Variants in SAMD12 observed in about 807,000 individuals in gnomAD.
SAMD12 encodes the protein sterile alpha motif domain-containing protein 12.
A neutral mutation model predicts 15.0 loss-of-function variants in SAMD12; 9 were observed. The ratio of observed to expected loss-of-function variants is 0.60; its 90% CI spans 0.36 to 1.05. The LOEUF (loss-of-function observed/expected upper bound fraction) is 1.05. SAMD12 is among the 50% of genes least tolerant of loss of function. SAMD12 has a pLI of 0.01. For missense variants in SAMD12, 230 were observed against 234.2 expected, an observed-to-expected ratio of 0.98 and a Z score of 0.12; for synonymous variants, 86 against 90.1, an observed-to-expected ratio of 0.96 and a Z score of 0.25.
At chr8:118,407,260 G>A (rs1416550700) in intron 3 of SAMD12, among the ~76,000 whole-genome samples, 1 of 152,034 alleles carries the variant, frequency 6.6e-6, no homozygotes, top group African/African-American at 2.4e-5. Flanking sequence ...TTCCATAGCA[G>A]CTGCACTATT....
chr8:118,340,855 G>A (rs950827470), intron 4 of SAMD12, among the ~76,000 whole-genome samples: 2 of 152,182 alleles, frequency 1.3e-5, no homozygotes, highest in South Asian at 4.1e-4. Flanking sequence ...AATTCCTATA[G>A]GAGCCAGGAT....
intron 4 of SAMD12, among the ~76,000 whole-genome samples, chr8:118,305,309 A>T (rs998971499): frequency 1.3e-5 from 2 of 152,090 alleles, no homozygotes; most frequent in South Asian, 4.1e-4. Flanking sequence ...CCTAATCTCC[A>T]GCCCCAGACA....
At chr8:118,294,340 T>A (rs1814591276) in intron 4 of SAMD12, among the ~76,000 whole-genome samples, 1 of 152,192 alleles carries the variant, frequency 6.6e-6, no homozygotes, top group African/African-American at 2.4e-5. Context: ...AAGACTGGCA[T>A]GGGTTTAAAA....
At chr8:118,530,488 A>G (rs1024783294) in intron 2 of SAMD12, among the ~76,000 whole-genome samples, 2 of 152,094 alleles carry the variant, frequency 1.3e-5, no homozygotes, top group Non-Finnish European at 2.9e-5. Context: ...CTGTTATTGT[A>G]TTAGTTCACT....
At chr8:118,421,590 T>G (rs979385972) in intron 3 of SAMD12, among the ~76,000 whole-genome samples, 4 of 152,242 alleles carry the variant, frequency 2.6e-5, no homozygotes, top group African/African-American at 9.6e-5. Flanking sequence ...TATTTGTATT[T>G]CACTTTGTTA....
intron 3 of SAMD12, among the ~76,000 whole-genome samples, chr8:118,389,174 G>T (rs933290479): frequency 2.0e-5 from 3 of 152,194 alleles, no homozygotes; most frequent in Non-Finnish European, 2.9e-5. Context: ...TGAACCTATA[G>T]TAATTGGTTC....
At chr8:118,333,829 G>A (rs1334661032) in intron 4 of SAMD12, among the ~76,000 whole-genome samples, 1 of 151,852 alleles carries the variant, frequency 6.6e-6, no homozygotes. Flanking sequence ...TCTGGTGTGT[G>A]TGTGTGCCCG....
chr8:118,492,122 CTTT>C (rs543720456), intron 2 of SAMD12, among the ~76,000 whole-genome samples: 1 of 132,154 alleles, frequency 7.6e-6, no homozygotes, highest in Non-Finnish European at 1.6e-5. Context: ...CTGGTGTTGC[CTTT>C]TTTTTTTTTT....
chr8:118,177,034 G>A, the SAMD12 span, among the ~76,000 whole-genome samples: 4 of 152,142 alleles, frequency 2.6e-5, no homozygotes, highest in Admixed American at 6.5e-5. Context: ...CAGTGCATAA[G>A]CCTAGGCATG....
At chr8:118,204,797 C>T (rs1035358811) in intron 4 of SAMD12, among the ~76,000 whole-genome samples, 4 of 152,044 alleles carry the variant, frequency 2.6e-5, no homozygotes, top group African/African-American at 7.2e-5. Flanking sequence ...GAATCTCCAA[C>T]GAGATTGGTA....
At chr8:118,503,063 C>T (rs1202406725) in intron 2 of SAMD12, among the ~76,000 whole-genome samples, 3 of 152,156 alleles carry the variant, frequency 2.0e-5, no homozygotes, top group Non-Finnish European at 1.5e-5. Flanking sequence ...ATCAAGGTAA[C>T]CATTTTTTAT....
In SAMD12 at chr8:118,286,594, G is replaced by C. The variant is rs559853413; in HGVS notation, c.434-88862C>G. Among the ~76,000 whole-genome samples, 8 of 152,266 alleles carry C rather than the reference G, an allele frequency of 5.3e-5. No individual in the cohort carries two copies. In the South Asian group the frequency reaches 1.7e-3, roughly 32 times the overall value. On this transcript the variant is annotated intron_variant, in intron 4 of 4. Transcript: ENST00000409003. Reference sequence around the variant, plus strand: ...CCCTGTGGCGATGTGTCATAAACTGGCAGGGTTCTCCATGCTCCCTTTAGC... The same window carrying C: ...CCCTGTGGCGATGTGTCATAAACTGCCAGGGTTCTCCATGCTCCCTTTAGC...
rs140911056 is a variant in SAMD12 at position 118,245,286 on chromosome 8, T to C, written c.434-47554A>G. On this transcript the variant is annotated intron_variant, in intron 4 of 4. Transcript: ENST00000409003. ...TTAGACACTGAGGTCAGAGCAGTTT[T>C]CAGAAGAGCTTCTCCAGCAACAGTG... Among the ~76,000 whole-genome samples the C allele has an allele frequency of 2.3e-4, 35 of 152,234 alleles. No homozygotes were observed. The East Asian group carries it at 5.4e-3, about 24-fold the overall frequency.
chr8:118,607,398 G>A (rs1487601388), intron 1 of SAMD12, among the ~76,000 whole-genome samples: 1 of 152,094 alleles, frequency 6.6e-6, no homozygotes. Flanking sequence ...ACGACGCCCA[G>A]CTAATTTTTG....
rs769687113 is a variant in SAMD12, at chr8:118,580,881, C to T, written c.26G>A (p.Gly9Asp). The T allele has an allele frequency of 8.1e-6, 13 of 1,610,706 alleles. No homozygotes were observed. Among genetic ancestry groups the T allele is most frequent in the Middle Eastern group, 3.3e-4 (2 of 6,068 alleles). Residue 9 changes from glycine (G) to aspartate (D), a missense_variant, in exon 2 of 4, where the codon GGT becomes GAT. Transcript: ENST00000314727. ...GTGATCAATACCCCGTGGATTCAAA[C>T]CACAGTGGAGAGCTAGGAAAAAGCA... Reference protein sequence around the residue: MAVEALHCGLNPRGIDHPA... With the variant: MAVEALHCDLNPRGIDHPA...
At chr8:118,246,522 A>C (rs1293943127) in intron 4 of SAMD12, among the ~76,000 whole-genome samples, 2 of 152,206 alleles carry the variant, frequency 1.3e-5, no homozygotes, top group East Asian at 3.9e-4. Flanking sequence ...ATAATCTAGG[A>C]AACTTTAAAT....
chr8:118,596,976 A>G (rs1032584702), intron 1 of SAMD12, among the ~76,000 whole-genome samples: 5 of 152,148 alleles, frequency 3.3e-5, no homozygotes, highest in African/African-American at 1.2e-4. Flanking sequence ...GAAAAGCTTT[A>G]CTGAGAGTGT....
At chr8:118,612,288 T>C (rs1273479642) in intron 1 of SAMD12, among the ~76,000 whole-genome samples, 3 of 152,218 alleles carry the variant, frequency 2.0e-5, no homozygotes, top group African/African-American at 7.2e-5. Flanking sequence ...TGATTGTTTT[T>C]CTACAACAGC....
At chr8:118,494,329 T>A (rs754401264) in intron 2 of SAMD12, among the ~76,000 whole-genome samples, 3 of 152,186 alleles carry the variant, frequency 2.0e-5, no homozygotes, top group Non-Finnish European at 2.9e-5. Flanking sequence ...AGGATATAAA[T>A]TTGTGTTTTT....
Sources: gnomAD v4.1 joint callset for allele counts (sites outside exome capture counted in the v4.1 genomes callset) on GRCh38, gnomAD v4.1.1 for gene constraint, MANE v1.5 for transcripts, NCBI Gene and HGNC (gene_info 2026-07-23, HGNC 2026-07-21) for gene names.